The following NBPF3 variants were observed in gnomAD, a reference collection of about 807,000 sequenced individuals.
The protein encoded by NBPF3 is NBPF member 3, also known as NBPF family member NBPF3.
NBPF3 carries 57 observed loss-of-function variants against 78.1 expected under a neutral mutation model. The observed-to-expected ratio is 0.73, with a 90% confidence interval of 0.59 to 0.91. The LOEUF (loss-of-function observed/expected upper bound fraction) is 0.91, where lower values mean the gene tolerates loss of function less well. Among genes scored for constraint, NBPF3 ranks in the 40% least tolerant of loss-of-function variants. The probability of loss-of-function intolerance (pLI) is 0.00; values close to 1 mark genes in which losing one functional copy is unlikely to be tolerated. For synonymous variants in NBPF3, 182 were observed against 271.7 expected, an observed-to-expected ratio of 0.67 and a Z score of 3.25; for missense variants, 510 against 715.3, an observed-to-expected ratio of 0.71 and a Z score of 3.27.
intron 2 of NBPF3, among the ~76,000 whole-genome samples, chr1:21,454,888 G>A (rs3894728): frequency 1.0e-4 from 15 of 148,922 alleles, no homozygotes; most frequent in Admixed American, 6.1e-4. Context: ...GCCTGGATTC[G>A]CTGGGTCTTC....
chr1:21,443,522 A>C (rs1640785254), intron 1 of NBPF3, among the ~76,000 whole-genome samples: 1 of 152,256 alleles, frequency 6.6e-6, no homozygotes, highest in Non-Finnish European at 1.5e-5. Context: ...TTTATGGATC[A>C]TCCCTAAATA....
chr1:21,471,581 C>G lies in NBPF3; in HGVS notation c.459C>G (p.Val153=). ...TATCTCACCTTAGGCAATATAAAGT[C>G]CTGGTTCACTCTCAGGAACGAGAGC... ...GQAEELRQYK[V]LVHSQERELT... The change falls in exon 5 of 15, where the codon GTC becomes GTG. Residue 153 remains valine (V), a synonymous_variant. Transcript: ENST00000318249. 6.2e-7 allele frequency: 1 copy of G among 1,611,944 alleles called. No homozygotes were observed. Among genetic ancestry groups the G allele is most frequent in the East Asian group, 2.2e-5 (1 of 44,850 alleles).
upstream of NBPF3, chr1:21,437,410 A>G (rs1569881599): frequency 2.6e-6 from 3 of 1,133,796 alleles, no homozygotes; most frequent in East Asian, 5.8e-5. Flanking sequence ...CCTGGCTCTC[A>G]AACGTAGGCC....
rs541057656 is a variant in NBPF3 at position 21,441,225 on chromosome 1, A to T, written c.-140+877A>T. ...GTTAAAGATCTGCTGGTAGTGTTTAATCTGTTTGGAGCTGATATGCGTTAG... is the reference window on the plus strand; with the variant it reads ...GTTAAAGATCTGCTGGTAGTGTTTATTCTGTTTGGAGCTGATATGCGTTAG... On this transcript the variant is annotated intron_variant, in intron 1 of 14. Coordinates refer to ENST00000318249, the MANE Select transcript of NBPF3 (RefSeq NM_032264.6). Among the ~76,000 whole-genome samples the T allele has an allele frequency of 1.6e-4, 24 of 152,148 alleles. No individual in the cohort carries two copies. In the South Asian group the frequency reaches 5.0e-3, roughly 32 times the overall value.
rs1263721796 is a variant in NBPF3 at position 21,468,791 on chromosome 1, A to C, written c.237A>C (p.Lys79Asn). The C allele has an allele frequency of 6.2e-7, 1 of 1,614,076 alleles. No homozygotes were observed. The highest frequency in any genetic ancestry group is 8.5e-7 in the Non-Finnish European group (1 of 1,179,972). The change falls in exon 3 of 15, where the codon AAA (lysine) becomes AAC (asparagine). Residue 79 changes from lysine (K) to asparagine (N), a missense_variant. By Grantham distance (94) the Lys-to-Asn change is moderately conservative. Around this residue, in one of 5 missense-constraint regions of NBPF3, gnomAD observed 440 missense variants for 478.2 expected, o/e 0.92. Coordinates refer to ENST00000318249, the MANE Select transcript of NBPF3 (RefSeq NM_032264.6). ...TGAACATTCTAGAAATCAACAAGAA[A>C]TCGCGCCCCCAGCTGGCAGAGAACA... ...AEMNILEINK[K>N]SRPQLAENKQ...
chr1:21,448,470 C>A (rs898984278), intron 2 of NBPF3, among the ~76,000 whole-genome samples: 1 of 152,024 alleles, frequency 6.6e-6, no homozygotes, highest in Non-Finnish European at 1.5e-5. Context: ...GCTCTGTATT[C>A]CTTTTCCACG....
intron 1 of NBPF3, among the ~76,000 whole-genome samples, chr1:21,444,629 G>C (rs1198746151): frequency 4.6e-5 from 7 of 152,212 alleles, no homozygotes; most frequent in African/African-American, 1.7e-4. Context: ...TCTAACTCAA[G>C]GCTCAAGGAA....
upstream of NBPF3, chr1:21,437,609 G>A (rs181864717): frequency 2.3e-4 from 119 of 510,668 alleles, no homozygotes; most frequent in East Asian, 4.7e-3. Context: ...AGCCTTATGC[G>A]TGTGACTCTG....
Position 21,480,334 on chromosome 1 carries a change from A to G in NBPF3, c.1381+111A>G, listed in dbSNP as rs1643145898. On this transcript the variant is annotated intron_variant, in intron 11 of 14. Transcript: ENST00000318249. ...CCCGAGAGATGTCATTGCCACAGGCAGGACCCGTGGGCGCATAGAGGTTGT... is the reference window on the plus strand; with the variant it reads ...CCCGAGAGATGTCATTGCCACAGGCGGGACCCGTGGGCGCATAGAGGTTGT... 1.2e-5 allele frequency: 7 copies of G among 574,498 alleles called. 1 individual carries two copies. In the East Asian group the frequency reaches 2.4e-4, roughly 19 times the overall value. The allele number at this position is 574,498 out of a possible 1,614,324, so 35.6% of individuals were successfully genotyped here.
chr1:21,437,645 A>G (rs1640452198), upstream of NBPF3: 9 of 315,930 alleles, frequency 2.8e-5, no homozygotes, highest in South Asian at 3.9e-4. Context: ...CACTAGCTAC[A>G]TGTGCCTATT....
intron 3 of NBPF3, among the ~76,000 whole-genome samples, chr1:21,470,271 A>G (rs1387869362): frequency 8.5e-5 from 13 of 152,228 alleles, no homozygotes; most frequent in Non-Finnish European, 5.9e-5. Context: ...CAACTGTACA[A>G]GAAATCACTA....
chr1:21,445,272 A>G (rs1640901570), intron 2 of NBPF3, 53 bp downstream of exon 2: 8 of 1,583,324 alleles, frequency 5.1e-6, no homozygotes, highest in South Asian at 1.1e-5. Flanking sequence ...TCCTCTTTCT[A>G]TTATAACTCA....
intron 6 of NBPF3, among the ~76,000 whole-genome samples, 193 bp from the exon 7 acceptor site, chr1:21,473,187 C>T (rs1209161447): frequency 6.6e-6 from 1 of 152,204 alleles, no homozygotes; most frequent in South Asian, 2.1e-4. Context: ...TGCTGTCTTC[C>T]TCTCTGGCTC....
chr1:21,445,605 C>T (rs1640923624), intron 2 of NBPF3, among the ~76,000 whole-genome samples: 1 of 151,714 alleles, frequency 6.6e-6, no homozygotes, highest in Non-Finnish European at 1.5e-5. Context: ...TGATGGCTCA[C>T]CCCCTCCCTG....
intron 2 of NBPF3, among the ~76,000 whole-genome samples, chr1:21,459,576 C>T (rs1466236278): frequency 1.3e-5 from 2 of 152,006 alleles, no homozygotes; most frequent in Non-Finnish European, 2.9e-5. Context: ...GGTAATGTCC[C>T]CCAAAATTAA....
In NBPF3 at chr1:21,446,689, A is replaced by T. The variant is rs147701714; in HGVS notation, c.133+1470A>T. 1.5e-3 allele frequency among the ~76,000 whole-genome samples: 231 copies of T among 151,308 alleles called. 4 individuals are homozygous for T. In the East Asian group the frequency reaches 0.042, roughly 27 times the overall value. ...TTTGAAGAGATCACACTGTACTGAA[A>T]CCTACATTATTTACCAAAATCTCCA... On this transcript the variant is annotated intron_variant, in intron 2 of 14. Coordinates refer to ENST00000318249, the MANE Select transcript of NBPF3 (RefSeq NM_032264.6).
intron 2 of NBPF3, among the ~76,000 whole-genome samples, chr1:21,463,480 G>A (rs7365914): frequency 1.8e-4 from 28 of 152,124 alleles, no homozygotes; most frequent in Non-Finnish European, 3.4e-4. Context: ...AATGTCCACC[G>A]TCCTCTAAAA....
rs1642908325 is a variant in NBPF3, at chr1:21,476,754, T to C, written c.993-1390T>C. Among the ~76,000 whole-genome samples the C allele has an allele frequency of 6.6e-6, 1 of 152,178 alleles. No individual in the cohort carries two copies. Among genetic ancestry groups the C allele is most frequent in the Non-Finnish European group, 1.5e-5 (1 of 68,008 alleles). ...TTGGTGAATCTGACAATTATGTGTCTTGGAGTTGCTCTTCTCGAGGAGTAT... is the reference window on the plus strand; with the variant it reads ...TTGGTGAATCTGACAATTATGTGTCCTGGAGTTGCTCTTCTCGAGGAGTAT... On this transcript the variant is annotated intron_variant, in intron 8 of 14. Transcript: ENST00000318249. The surrounding 1 kb of genome is among the most constrained non-coding windows in gnomAD (Gnocchi z 4.1).
intron 10 of NBPF3, 147 bp downstream of exon 10, chr1:21,479,547 T>C (rs1006071628): frequency 2.6e-6 from 2 of 771,644 alleles, no homozygotes; most frequent in Non-Finnish European, 4.5e-6. Context: ...TGGTTCTCAT[T>C]ACAGTAAATG....
Sources: gnomAD v4.1 joint callset for allele counts (sites outside exome capture counted in the v4.1 genomes callset) on GRCh38, gnomAD v4.1.1 for gene constraint, gnomAD v4.1.1 regional missense constraint, Gnocchi (gnomAD v3.1) non-coding constraint, MANE v1.5 for transcripts, NCBI Gene and HGNC (gene_info 2026-07-23, HGNC 2026-07-21) for gene names.